The following DCDC1 variants were observed in gnomAD, a reference collection of about 807,000 sequenced individuals.
DCDC1 encodes the protein doublecortin domain containing 1.
A neutral mutation model predicts 178.3 loss-of-function variants in DCDC1; 200 were observed. That is an observed-to-expected ratio of 1.12 (90% CI 1.00 to 1.26). The LOEUF is 1.26. DCDC1 is among the 50% of genes most tolerant of loss of function. The pLI is 0.00. For synonymous variants in DCDC1, 690 were observed against 604.8 expected, an observed-to-expected ratio of 1.14 and a Z score of -2.07; for missense variants, 1,983 against 1,749.2, an observed-to-expected ratio of 1.13 and a Z score of -2.38.
chr11:30,922,140 T>TA (rs1018925697), intron 24 of DCDC1, among the ~76,000 whole-genome samples: 1 of 152,178 alleles, frequency 6.6e-6, no homozygotes, highest in Non-Finnish European at 1.5e-5. Flanking sequence ...TTTTCTATCT[T>TA]AGAGTGGAAC....
intron 15 of DCDC1, among the ~76,000 whole-genome samples, chr11:31,098,110 G>C (rs976446567): frequency 6.6e-6 from 1 of 152,124 alleles, no homozygotes; most frequent in South Asian, 2.1e-4. Flanking sequence ...GTTTCCTTTT[G>C]AGTCTGGCAG....
chr11:31,127,549 C>T lies in DCDC1; in HGVS notation c.1405G>A (p.Glu469Lys), dbSNP rs779199111. Residue 469 changes from glutamate to lysine, a missense_variant, in exon 11 of 39, where the codon GAG (glutamate) becomes AAG (lysine). Glu to Lys is a moderately conservative substitution (Grantham distance 56). Transcript: ENST00000684477. ...KLGPQLQAEQEQFSSYVYQHI... is the reference protein window; with the variant it reads ...KLGPQLQAEQKQFSSYVYQHI... ...TGGTAGACATAAGAGGAGAATTGCT[C>T]CTGCTCAGCCTGTAATTGGGGGCCA... 1.4e-6 allele frequency: 1 copy of T among 702,730 alleles called. No homozygotes were observed. The highest frequency in any genetic ancestry group is 2.6e-6 in the Non-Finnish European group (1 of 384,818). 43.5% of individuals were successfully genotyped at this position (702,730 alleles called of 1,614,324 possible).
At chr11:31,199,400 G>A (rs1236554626) in intron 9 of DCDC1, among the ~76,000 whole-genome samples, 1 of 151,940 alleles carries the variant, frequency 6.6e-6, no homozygotes, top group African/African-American at 2.4e-5. Context: ...AAGAATCCTG[G>A]CCAAAAATAA....
intron 21 of DCDC1, among the ~76,000 whole-genome samples, chr11:30,936,707 T>C (rs1458957845): frequency 6.6e-6 from 1 of 152,088 alleles, no homozygotes; most frequent in Non-Finnish European, 1.5e-5. Context: ...CCTTTCCCTT[T>C]AGGCACACTA....
intron 18 of DCDC1, among the ~76,000 whole-genome samples, chr11:31,077,227 A>C (rs994349518): frequency 6.6e-6 from 1 of 152,148 alleles, no homozygotes; most frequent in Non-Finnish European, 1.5e-5. Context: ...ACAGACCTTG[A>C]CTTGTTTCTG....
chr11:31,268,466 A>G (rs949721603), intron 7 of DCDC1, among the ~76,000 whole-genome samples: 9 of 152,182 alleles, frequency 5.9e-5, no homozygotes, highest in African/African-American at 2.2e-4. Flanking sequence ...AAGTGAGAAC[A>G]TGTGGTATTT....
At chr11:31,140,801 C>T (rs180706847) in intron 9 of DCDC1, among the ~76,000 whole-genome samples, 9 of 152,248 alleles carry the variant, frequency 5.9e-5, no homozygotes, top group Admixed American at 5.9e-4. Flanking sequence ...GTAACAGATT[C>T]CAATGAAACA....
At chr11:31,144,067 A>C (rs535122295) in intron 9 of DCDC1, among the ~76,000 whole-genome samples, 13 of 152,232 alleles carry the variant, frequency 8.5e-5, no homozygotes, top group Non-Finnish European at 1.6e-4. Context: ...TAATTTGTCT[A>C]AAAGGACAAA....
chr11:31,136,060 G>A (rs1178444596), intron 10 of DCDC1, among the ~76,000 whole-genome samples: 1 of 151,980 alleles, frequency 6.6e-6, no homozygotes, highest in African/African-American at 2.4e-5. Flanking sequence ...AATCTCTAAT[G>A]ATAATTGGTA....
At chr11:31,356,380 G>A (rs899552905) in intron 1 of DCDC1, among the ~76,000 whole-genome samples, 2 of 152,090 alleles carry the variant, frequency 1.3e-5, no homozygotes, top group African/African-American at 2.4e-5. Context: ...GATGTTCTTT[G>A]AAACCAACGA....
chr11:31,253,676 C>G (rs1344214379), intron 8 of DCDC1, among the ~76,000 whole-genome samples: 3 of 152,114 alleles, frequency 2.0e-5, no homozygotes, highest in African/African-American at 7.2e-5. Context: ...AGAGAGCCCA[C>G]CTAAGCCATG....
At chr11:30,903,367 T>C in intron 32 of DCDC1, 115 bp downstream of exon 32, 1 of 1,057,810 alleles carries the variant, frequency 9.5e-7, no homozygotes, top group South Asian at 2.7e-5. Context: ...GTCACAAAAG[T>C]AGCTTCCTAT....
intron 15 of DCDC1, among the ~76,000 whole-genome samples, chr11:31,098,844 G>C (rs1223643514): frequency 6.6e-6 from 1 of 152,118 alleles, no homozygotes; most frequent in Non-Finnish European, 1.5e-5. Flanking sequence ...GTTTGTCTTT[G>C]AAAGCTTCTC....
rs1172363936 is a variant in DCDC1 at position 30,954,108 on chromosome 11, C to T, written c.2592-1540G>A. Among the ~76,000 whole-genome samples, 10 of 150,638 alleles carry T rather than the reference C, an allele frequency of 6.6e-5. No homozygotes were observed. In the East Asian group the frequency reaches 1.4e-3, roughly 21 times the overall value. The stretch of plus-strand genomic sequence containing the variant: ...TCGGCTCACTGCAAACTCCGCCTCC[C>T]GGGTTCACGCCATTCTCCTGCCTCA... On this transcript the variant is annotated intron_variant, in intron 20 of 38. Coordinates refer to ENST00000684477, the MANE Select transcript of DCDC1 (RefSeq NM_001387274.1).
chr11:30,903,667 G>T lies in DCDC1; in HGVS notation c.4325C>A (p.Thr1442Lys), dbSNP rs769411305. The change falls in exon 32 of 39, where the codon ACG (threonine) becomes AAG (lysine). Residue 1442 changes from threonine (T) to lysine (K), a missense_variant. By Grantham distance (78) the Thr-to-Lys change is moderately conservative. Transcript: ENST00000684477. ...GTFPMLLTEC[T>K]EQLGLARAAS... ...TGCTCTGGCAAGCCCAAGTTGTTCC[G>T]TGCATTCTGTAAGAAGCTAGATAAC... 1.2e-6 allele frequency: 2 copies of T among 1,601,948 alleles called. No individual in the cohort carries two copies. Among genetic ancestry groups the T allele is most frequent in the Non-Finnish European group, 1.7e-6 (2 of 1,173,710 alleles).
Position 30,900,468 on chromosome 11 carries a change from A to G in DCDC1, c.4541T>C (p.Leu1514Ser). Reference sequence around the variant, plus strand: ...ATCGGATGTCACAGATTTTGCAAATAATCTGTTTTTCACTTTCATTCTTGG... The same window carrying G: ...ATCGGATGTCACAGATTTTGCAAATGATCTGTTTTTCACTTTCATTCTTGG... ...ENPRMKVKNR[L>S]FAKSVTSDSL... is the part of the protein sequence containing the mutation. Residue 1514 changes from leucine (L) to serine (S), a missense_variant, in exon 33 of 39, where the codon TTA becomes TCA. Coordinates refer to ENST00000684477, the MANE Select transcript of DCDC1 (RefSeq NM_001387274.1). 6.4e-7 allele frequency: 1 copy of G among 1,552,100 alleles called. No individual in the cohort carries two copies. Among genetic ancestry groups the G allele is most frequent in the Non-Finnish European group, 8.7e-7 (1 of 1,146,996 alleles).
At chr11:31,064,868 GATATT>G (rs1428224067) in intron 19 of DCDC1, among the ~76,000 whole-genome samples, 146 bp downstream of exon 19, 3 of 152,120 alleles carry the variant, frequency 2.0e-5, no homozygotes, top group South Asian at 2.1e-4. Context: ...TGTGCATATA[GATATT>G]ATATTATGTG....
At chr11:31,104,452 C>T (rs1339562318) in intron 13 of DCDC1, among the ~76,000 whole-genome samples, 1 of 151,862 alleles carries the variant, frequency 6.6e-6, no homozygotes, top group Admixed American at 6.6e-5. Flanking sequence ...GTGGGACATT[C>T]TACAAGAAAA....
chr11:31,025,887 T>C (rs1006176586), intron 20 of DCDC1, among the ~76,000 whole-genome samples: 9 of 151,826 alleles, frequency 5.9e-5, no homozygotes, highest in African/African-American at 1.9e-4. Context: ...CATGGTGGCA[T>C]ATGGCACAGC....
Sources: gnomAD v4.1 joint callset for allele counts (sites outside exome capture counted in the v4.1 genomes callset) on GRCh38, gnomAD v4.1.1 for gene constraint, MANE v1.5 for transcripts, NCBI Gene and HGNC (gene_info 2026-07-23, HGNC 2026-07-21) for gene names.